Variants in FBLN5 observed in about 807,000 individuals in gnomAD.
FBLN5 encodes fibulin 5, also known as fibulin-5.
FBLN5 carries 24 observed loss-of-function variants against 61.6 expected under a neutral mutation model. That is an observed-to-expected ratio of 0.39 (90% CI 0.28 to 0.55). The LOEUF (loss-of-function observed/expected upper bound fraction) is 0.55, where lower values mean the gene tolerates loss of function less well. Ranked by LOEUF, FBLN5 falls within the 20% of genes least tolerant of loss-of-function variation. FBLN5 has a pLI of 0.65. For missense variants in FBLN5, 470 were observed against 594.1 expected (o/e 0.79, Z 2.17); for synonymous variants, 213 against 219.8 (o/e 0.97, Z 0.27).
chr14:91,877,107 T>A (rs1200386359), intron 10 of FBLN5, among the ~76,000 whole-genome samples: 1 of 152,110 alleles, frequency 6.6e-6, no homozygotes, highest in Non-Finnish European at 1.5e-5. Context: ...CCTCTCAAAG[T>A]GCTGGGATTA....
chr14:91,924,771 G>A (rs2055798766), intron 4 of FBLN5, among the ~76,000 whole-genome samples: 1 of 152,144 alleles, frequency 6.6e-6, no homozygotes, highest in Admixed American at 6.5e-5. Context: ...AGTGTGAGCT[G>A]GAGAATAAGT....
At position 91,882,037 on chromosome 14, in the gene FBLN5, G is replaced by A. The variant is rs1161989396; in HGVS notation, c.863-619C>T. ...CCCGGCATGGTGGCATGTGCCTGTA[G>A]TCCCAGCTACTTGGGAGGCTGAGGC... is the stretch of plus-strand genomic sequence containing the variant. On this transcript the variant is annotated intron_variant, in intron 8 of 10. Transcript: ENST00000342058. The surrounding 1 kb of genome is among the most constrained non-coding windows in gnomAD (Gnocchi z 4.9). Among the ~76,000 whole-genome samples the A allele has an allele frequency of 6.6e-6, 1 of 151,512 alleles. No homozygotes were observed. Among genetic ancestry groups the A allele is most frequent in the Non-Finnish European group, 1.5e-5 (1 of 67,868 alleles).
intron 9 of FBLN5, among the ~76,000 whole-genome samples, chr14:91,878,514 C>T (rs144877069): frequency 8.7e-4 from 133 of 152,286 alleles, no homozygotes; most frequent in Non-Finnish European, 1.7e-3. Flanking sequence ...TGTTGAGACG[C>T]GCGGTGGTGG....
intron 4 of FBLN5, among the ~76,000 whole-genome samples, chr14:91,927,439 T>A (rs575768349): frequency 4.3e-4 from 66 of 152,376 alleles, no homozygotes; most frequent in Non-Finnish European, 1.0e-4. Flanking sequence ...ACAGAACCTA[T>A]GTGAGTCATT....
At chr14:91,888,531 C>T (rs1462512086) in intron 6 of FBLN5, among the ~76,000 whole-genome samples, 4 of 151,432 alleles carry the variant, frequency 2.6e-5, no homozygotes, top group Admixed American at 2.0e-4. Flanking sequence ...ATCGCTTGAA[C>T]CCCAGAGGCA....
At chr14:91,888,608 C>CAAA (rs34117518) in intron 6 of FBLN5, among the ~76,000 whole-genome samples, 1 of 113,746 alleles carries the variant, frequency 8.8e-6, no homozygotes, top group Non-Finnish European at 1.8e-5. Context: ...GACTCTGTCT[C>CAAA]AAAAAAAAAA....
chr14:91,914,469 C>T (rs1452757396), intron 4 of FBLN5, among the ~76,000 whole-genome samples: 2 of 98,944 alleles, frequency 2.0e-5, no homozygotes, highest in Non-Finnish European at 3.7e-5. Context: ...CAGAGTGAGA[C>T]TCTGTCTCAA....
At chr14:91,871,755 G>T (rs944179375) in intron 10 of FBLN5, among the ~76,000 whole-genome samples, 2 of 152,068 alleles carry the variant, frequency 1.3e-5, no homozygotes, top group African/African-American at 4.8e-5. Flanking sequence ...TACTTGGGAG[G>T]CTGAGGCACA....
intron 2 of FBLN5, chr14:91,942,116 G>A (rs527663320): frequency 6.6e-5 from 30 of 455,928 alleles, no homozygotes; most frequent in East Asian, 4.2e-4. Flanking sequence ...GAGGCCACTC[G>A]GAGTTTTCAG....
At chr14:91,895,204 C>T in intron 4 of FBLN5, 132 bp from the exon 5 acceptor site, 2 of 1,048,494 alleles carry the variant, frequency 1.9e-6, no homozygotes, top group Admixed American at 1.9e-5. Flanking sequence ...AAGGAGGTGG[C>T]AGTGCTTCCC....
Position 91,870,141 on chromosome 14 carries a change from G to T in FBLN5, c.*83C>A. 1 of 1,388,104 alleles carries T rather than the reference G, an allele frequency of 7.2e-7. No individual in the cohort carries two copies. The highest frequency in any genetic ancestry group is 1.0e-6 in the Non-Finnish European group (1 of 977,598). 86.0% of individuals were successfully genotyped at this position (1,388,104 alleles called of 1,614,324 possible). On this transcript the variant is annotated 3_prime_UTR_variant, in exon 11 of 11. Coordinates refer to ENST00000342058, the MANE Select transcript of FBLN5 (RefSeq NM_006329.4). Reference sequence around the variant, plus strand: ...GCAGGAAATGCCTAACGTCTGTGTCGCTCTCATTCTCTCTGTTATTTCCTC... The same window carrying T: ...GCAGGAAATGCCTAACGTCTGTGTCTCTCTCATTCTCTCTGTTATTTCCTC...
intron 4 of FBLN5, among the ~76,000 whole-genome samples, chr14:91,924,067 T>G (rs2055785847): frequency 6.6e-6 from 1 of 152,228 alleles, no homozygotes. Context: ...ATCTGATAAA[T>G]TATGCCTAGT....
At chr14:91,911,568 C>A (rs1304700011) in intron 4 of FBLN5, among the ~76,000 whole-genome samples, 4 of 152,198 alleles carry the variant, frequency 2.6e-5, no homozygotes, top group African/African-American at 9.7e-5. Flanking sequence ...AAAGAAGGAA[C>A]TGAAAGTCAG....
chr14:91,933,400 G>A (rs929001464), intron 4 of FBLN5, among the ~76,000 whole-genome samples: 5 of 151,972 alleles, frequency 3.3e-5, no homozygotes, highest in Admixed American at 2.0e-4. Context: ...TCAGCCTCCC[G>A]AGTAGCTGGG....
intron 9 of FBLN5, chr14:91,878,088 G>A: frequency 2.5e-6 from 1 of 402,574 alleles, no homozygotes; most frequent in South Asian, 1.9e-5. Context: ...TTTAAAGTAA[G>A]AAACTGGATT....
chr14:91,886,917 G>A (rs981826561), intron 7 of FBLN5, among the ~76,000 whole-genome samples: 2 of 152,148 alleles, frequency 1.3e-5, no homozygotes, highest in Non-Finnish European at 2.9e-5. Flanking sequence ...TCGGGTGACT[G>A]CTCTCCCTCT....
At chr14:91,939,204 A>G (rs1052998295) in intron 3 of FBLN5, among the ~76,000 whole-genome samples, 1 of 152,202 alleles carries the variant, frequency 6.6e-6, no homozygotes, top group African/African-American at 2.4e-5. Context: ...TGCTCTGTCA[A>G]CAACAAACTA....
chr14:91,930,826 C>T (rs755020754), intron 4 of FBLN5, among the ~76,000 whole-genome samples: 1 of 152,210 alleles, frequency 6.6e-6, no homozygotes, highest in Non-Finnish European at 1.5e-5. Context: ...CCGAGTGAAG[C>T]CACATCAGGC....
chr14:91,937,556 GAATGGATT>G (rs2056040151), intron 3 of FBLN5, among the ~76,000 whole-genome samples: 1 of 152,190 alleles, frequency 6.6e-6, no homozygotes, highest in Non-Finnish European at 1.5e-5. Context: ...GTACTCTCAT[GAATGGATT>G]AATCTACTCA....
Sources: allele counts gnomAD v4.1 joint callset (sites outside exome capture counted in the v4.1 genomes callset), GRCh38; gene constraint gnomAD v4.1.1; non-coding constraint Gnocchi (gnomAD v3.1); transcripts MANE v1.5; gene names NCBI Gene and HGNC (gene_info 2026-07-23, HGNC 2026-07-21).